Variants in SHISA9 observed in about 807,000 individuals in gnomAD.
The protein encoded by SHISA9 is protein shisa-9.
In SHISA9, 13 loss-of-function variants were observed where a neutral mutation model predicts 38.0. The observed-to-expected ratio is 0.34, with a 90% confidence interval of 0.22 to 0.54. The LOEUF (loss-of-function observed/expected upper bound fraction) is 0.54, where lower values mean the gene tolerates loss of function less well. Ranked by LOEUF, SHISA9 falls within the 20% of genes least tolerant of loss-of-function variation. SHISA9 has a pLI of 0.91. For synonymous variants in SHISA9, 275 were observed against 242.0 expected, an observed-to-expected ratio of 1.14 and a Z score of -1.27; for missense variants, 538 against 575.8, an observed-to-expected ratio of 0.93 and a Z score of 0.67.
chr16:12,958,421 G>A (rs1354922003), intron 2 of SHISA9, among the ~76,000 whole-genome samples: 1 of 152,166 alleles, frequency 6.6e-6, no homozygotes, highest in Non-Finnish European at 1.5e-5. Flanking sequence ...CTGGCTTGTG[G>A]AAATTTCCCC....
At chr16:13,377,155 G>A in the SHISA9 span, among the ~76,000 whole-genome samples, 1 of 152,188 alleles carries the variant, frequency 6.6e-6, no homozygotes, top group South Asian at 2.1e-4. Flanking sequence ...AGCCCCAAGA[G>A]CTTGCCTTGG....
the SHISA9 span, among the ~76,000 whole-genome samples, chr16:13,438,997 C>A: frequency 6.6e-6 from 1 of 152,020 alleles, no homozygotes. Flanking sequence ...TTTAAAATCC[C>A]GCCATTTGTG....
chr16:13,200,387 T>G (rs888662983), intron 2 of SHISA9, among the ~76,000 whole-genome samples: 4 of 147,234 alleles, frequency 2.7e-5, no homozygotes, highest in African/African-American at 1.0e-4. Context: ...ACAGTAGCTA[T>G]CCACCAAAAA....
At chr16:13,464,538 G>A in the SHISA9 span, among the ~76,000 whole-genome samples, 1 of 152,150 alleles carries the variant, frequency 6.6e-6, no homozygotes, top group Non-Finnish European at 1.5e-5. Flanking sequence ...CTTGTCTAAA[G>A]CTAAAGCCCC....
the SHISA9 span, among the ~76,000 whole-genome samples, chr16:13,555,009 T>G: frequency 6.6e-6 from 1 of 152,218 alleles, no homozygotes; most frequent in Non-Finnish European, 1.5e-5. Flanking sequence ...AAATCCCTTT[T>G]GACGTTCAAG....
At chr16:13,222,255 G>C (rs2051234059) in intron 4 of SHISA9, among the ~76,000 whole-genome samples, 1 of 152,106 alleles carries the variant, frequency 6.6e-6, no homozygotes, top group Non-Finnish European at 1.5e-5. Context: ...TTTGGGTGGG[G>C]ATACAGCCAA....
At chr16:13,487,557 G>A in the SHISA9 span, among the ~76,000 whole-genome samples, 4 of 152,154 alleles carry the variant, frequency 2.6e-5, no homozygotes, top group South Asian at 4.1e-4. Context: ...CTTTCATGAC[G>A]GATCTGCCCC....
At chr16:13,047,898 G>T (rs762430217) in intron 2 of SHISA9, among the ~76,000 whole-genome samples, 7 of 152,142 alleles carry the variant, frequency 4.6e-5, no homozygotes, top group African/African-American at 1.7e-4. Context: ...TAAGGTACAG[G>T]TTACAAATGT....
intron 2 of SHISA9, among the ~76,000 whole-genome samples, chr16:13,195,680 G>A (rs2819692): frequency 0.2 from 30,505 of 152,004 alleles, 3,375 homozygotes; most frequent in East Asian, 0.37. Flanking sequence ...CATCAATAGC[G>A]ATGAGTCATT....
chr16:13,299,105 A>G, the SHISA9 span, among the ~76,000 whole-genome samples: 1 of 152,212 alleles, frequency 6.6e-6, no homozygotes, highest in African/African-American at 2.4e-5. Context: ...CTCATCTAGC[A>G]AAGTCCAGCT....
chr16:13,202,446 A>G lies in SHISA9; in HGVS notation c.692-948A>G, dbSNP rs936668108. Among the ~76,000 whole-genome samples the G allele has an allele frequency of 7.4e-5, 10 of 134,638 alleles. 2 individuals carry two copies. The highest frequency in any genetic ancestry group is 2.2e-4 in the Admixed American group (3 of 13,604). The allele number at this position is 134,638 out of a possible 152,430, so 88.3% of individuals were successfully genotyped here. ...GAATCTCATTTCCCTTCAAGCAGCC[A>G]ATATTTAGTTTGTTTGTCTTTACAT... is the stretch of plus-strand genomic sequence containing the variant. On this transcript the variant is annotated intron_variant, in intron 2 of 4. Transcript: ENST00000558583.
Position 13,084,776 on chromosome 16 carries a change from C to G in SHISA9, c.692-118618C>G, listed in dbSNP as rs566779049. Among the ~76,000 whole-genome samples the G allele has an allele frequency of 3.3e-5, 5 of 151,712 alleles. No individual in the cohort carries two copies. The South Asian group carries it at 1.0e-3, about 32-fold the overall frequency. On this transcript the variant is annotated intron_variant, in intron 2 of 4. Coordinates refer to ENST00000558583, the MANE Select transcript of SHISA9 (RefSeq NM_001145204.3). ...AGACCATAGACCATAGACAGACTGG[C>G]TTAAACAACAAATGGAGATATAAAG...
chr16:13,149,663 A>T (rs2050479970), intron 2 of SHISA9, among the ~76,000 whole-genome samples: 1 of 152,000 alleles, frequency 6.6e-6, no homozygotes, highest in South Asian at 2.1e-4. Context: ...GGTGGGTCAC[A>T]CCTGTAATCC....
At chr16:13,263,359 C>T in the SHISA9 span, among the ~76,000 whole-genome samples, 16 of 152,228 alleles carry the variant, frequency 1.1e-4, no homozygotes, top group South Asian at 2.1e-4. Context: ...GACTGGATCA[C>T]GGGGCGGAGT....
chr16:13,437,200 T>C, the SHISA9 span, among the ~76,000 whole-genome samples: 1 of 151,976 alleles, frequency 6.6e-6, no homozygotes, highest in African/African-American at 2.4e-5. Context: ...TTTCAAGTTT[T>C]TACTCAAAAA....
At chr16:13,120,732 C>T (rs532691863) in intron 2 of SHISA9, among the ~76,000 whole-genome samples, 7 of 152,048 alleles carry the variant, frequency 4.6e-5, no homozygotes, top group East Asian at 1.9e-4. Context: ...AGGAAGAATG[C>T]GTAGAGGGGC....
chr16:13,189,252 G>A (rs1310795979), intron 2 of SHISA9, among the ~76,000 whole-genome samples: 3 of 152,188 alleles, frequency 2.0e-5, no homozygotes, highest in African/African-American at 7.2e-5. Context: ...TGAAGATTAG[G>A]GAGGTCGGTT....
intron 2 of SHISA9, among the ~76,000 whole-genome samples, chr16:13,017,095 C>T (rs755440714): frequency 2.6e-5 from 4 of 151,696 alleles, no homozygotes; most frequent in Non-Finnish European, 5.9e-5. Flanking sequence ...TCTTGGCTCA[C>T]TGCAACCTCC....
intron 2 of SHISA9, among the ~76,000 whole-genome samples, chr16:12,949,595 A>G (rs7184673): frequency 0.2 from 30,909 of 152,206 alleles, 3,852 homozygotes; most frequent in Middle Eastern, 0.35. Flanking sequence ...GGCTTAGTTG[A>G]AAAAATAGAT....
Sources: gnomAD v4.1 joint callset for allele counts (sites outside exome capture counted in the v4.1 genomes callset) on GRCh38, gnomAD v4.1.1 for gene constraint, MANE v1.5 for transcripts, NCBI Gene and HGNC (gene_info 2026-07-23, HGNC 2026-07-21) for gene names.